The following VTA1 variants were observed in gnomAD, a reference collection of about 807,000 sequenced individuals.
VTA1 encodes vacuolar protein sorting-associated protein VTA1 homolog.
A neutral mutation model predicts 36.9 loss-of-function variants in VTA1; 24 were observed. That is an observed-to-expected ratio of 0.65 (90% CI 0.47 to 0.91). The LOEUF is 0.91. Among genes scored for constraint, VTA1 ranks in the 40% least tolerant of loss-of-function variants. The pLI, the probability that VTA1 is intolerant of heterozygous loss-of-function variation, is 0.00. For missense variants in VTA1, 393 were observed against 377.2 expected (o/e 1.04, Z -0.35); for synonymous variants, 142 against 130.2 (o/e 1.09, Z -0.62).
rs558934840 is a variant in VTA1, at chr6:142,198,337, G to A, written c.521-102G>A. 5.3e-3 allele frequency: 5,717 copies of A among 1,076,540 alleles called. 22 individuals are homozygous for A. Among genetic ancestry groups the A allele is most frequent in the Non-Finnish European group, 6.4e-3 (5,039 of 792,346 alleles). The allele number at this position is 1,076,540 out of a possible 1,614,324, so 66.7% of individuals were successfully genotyped here. Reference sequence around the variant, plus strand: ...CTTCTCCACTGCATTAAATAGAATTGCATTTAAAGATTCCATTTGTCATGT... The same window carrying A: ...CTTCTCCACTGCATTAAATAGAATTACATTTAAAGATTCCATTTGTCATGT... On this transcript the variant is annotated intron_variant, in intron 5 of 7. Transcript: ENST00000367630.
chr6:142,189,956 A>G (rs1056516493), intron 5 of VTA1, among the ~76,000 whole-genome samples: 12 of 152,008 alleles, frequency 7.9e-5, no homozygotes, highest in Admixed American at 2.6e-4. Context: ...ACGGGGTTTC[A>G]CTGTGTTAGA....
chr6:142,180,825 T>C (rs923725725), intron 4 of VTA1, among the ~76,000 whole-genome samples: 1 of 151,740 alleles, frequency 6.6e-6, no homozygotes, highest in South Asian at 2.1e-4. Context: ...CAATAGACAT[T>C]TTACAGCTTG....
intron 4 of VTA1, among the ~76,000 whole-genome samples, chr6:142,176,626 A>C (rs1203560848): frequency 6.6e-6 from 1 of 151,442 alleles, no homozygotes; most frequent in East Asian, 1.9e-4. Flanking sequence ...TAAATTTTCA[A>C]TTCTTTGCAG....
chr6:142,188,708 A>G (rs1179859271), intron 4 of VTA1, among the ~76,000 whole-genome samples: 2 of 151,294 alleles, frequency 1.3e-5, no homozygotes, highest in Non-Finnish European at 2.9e-5. Flanking sequence ...ATATAAACTA[A>G]AAATCACTAG....
At chr6:142,192,482 C>T (rs1374766208) in intron 5 of VTA1, among the ~76,000 whole-genome samples, 1 of 151,968 alleles carries the variant, frequency 6.6e-6, no homozygotes, top group Non-Finnish European at 1.5e-5. Flanking sequence ...ATCATTGAAA[C>T]CATTCATTTT....
At chr6:142,175,954 A>T (rs574059772) in intron 4 of VTA1, among the ~76,000 whole-genome samples, 1 of 152,074 alleles carries the variant, frequency 6.6e-6, no homozygotes, top group East Asian at 1.9e-4. Context: ...ACTGTGCCTT[A>T]TTATCATTCC....
intron 5 of VTA1, 133 bp downstream of exon 5, chr6:142,189,667 A>G: frequency 1.6e-6 from 1 of 640,366 alleles, no homozygotes; most frequent in Non-Finnish European, 2.6e-6. Context: ...TTAAGTATAA[A>G]ATCATAAACT....
intron 4 of VTA1, among the ~76,000 whole-genome samples, chr6:142,171,626 A>G (rs1348265131): frequency 6.6e-6 from 1 of 152,234 alleles, no homozygotes; most frequent in African/African-American, 2.4e-5. Flanking sequence ...CTTTAAGTTC[A>G]GTATCATTTT....
At chr6:142,191,435 G>A (rs1024876537) in intron 5 of VTA1, among the ~76,000 whole-genome samples, 5 of 152,104 alleles carry the variant, frequency 3.3e-5, no homozygotes, top group Non-Finnish European at 7.4e-5. Context: ...TGTGCATTTT[G>A]ATTATCACGT....
chr6:142,181,094 A>AAAATATATATATAT (rs1471429927), intron 4 of VTA1, among the ~76,000 whole-genome samples: 16 of 36,436 alleles, frequency 4.4e-4, no homozygotes, highest in Non-Finnish European at 7.0e-4. Flanking sequence ...AAAAAAAAAA[A>AAAATATATATATAT]ATATATATAT....
At chr6:142,211,711 TTA>T (rs541591437) in intron 7 of VTA1, among the ~76,000 whole-genome samples, 87 of 72,908 alleles carry the variant, frequency 1.2e-3, no homozygotes, top group Non-Finnish European at 1.7e-3. Flanking sequence ...ACTCCATCTC[TTA>T]AAAAAAAAAA....
Position 142,220,840 on chromosome 6 carries a change from C to G in VTA1, c.*2197C>G, listed in dbSNP as rs900587197. The G allele has an allele frequency of 6.6e-6, 1 of 151,812 alleles. No homozygotes were observed. Among genetic ancestry groups the G allele is most frequent in the African/African-American group, 2.4e-5 (1 of 41,288 alleles). 9.4% of individuals were successfully genotyped at this position (151,812 alleles called of 1,614,324 possible). On this transcript the variant is annotated 3_prime_UTR_variant, in exon 8 of 8. Coordinates refer to ENST00000367630, the MANE Select transcript of VTA1 (RefSeq NM_016485.5). ...ATATTTACTGAATGGCTACTATATGCCTGGTATTGTTCTTTGAAAGCAGAA... is the reference window on the plus strand; with the variant it reads ...ATATTTACTGAATGGCTACTATATGGCTGGTATTGTTCTTTGAAAGCAGAA...
intron 7 of VTA1, among the ~76,000 whole-genome samples, chr6:142,217,914 GA>G (rs1302816171): frequency 1.3e-5 from 2 of 151,636 alleles, no homozygotes; most frequent in Non-Finnish European, 2.9e-5. Context: ...TGTATAACTA[GA>G]AAACTTGCTA....
In VTA1 at chr6:142,204,740, C is replaced by T. The variant is rs556111348; in HGVS notation, c.778+675C>T. The stretch of plus-strand genomic sequence containing the variant: ...CTTTTAATTTAAAGGAAGTGAAGAC[C>T]TTTTTTGTTTTGTTTTGTTTTTGAG... On this transcript the variant is annotated intron_variant, in intron 7 of 7. Coordinates refer to ENST00000367630, the MANE Select transcript of VTA1 (RefSeq NM_016485.5). Among the ~76,000 whole-genome samples the T allele has an allele frequency of 2.0e-5, 3 of 150,878 alleles. No homozygotes were observed. In the South Asian group the frequency reaches 6.4e-4, roughly 32 times the overall value.
At chr6:142,207,555 G>T (rs750494261) in intron 7 of VTA1, among the ~76,000 whole-genome samples, 2 of 151,948 alleles carry the variant, frequency 1.3e-5, no homozygotes, top group Non-Finnish European at 2.9e-5. Flanking sequence ...GACATTCAGC[G>T]CTCCAAACAT....
intron 5 of VTA1, 49 bp from the exon 6 acceptor site, chr6:142,198,390 T>C (rs765578162): frequency 6.4e-7 from 1 of 1,558,656 alleles, no homozygotes; most frequent in South Asian, 1.2e-5. Flanking sequence ...TACCTAGCAC[T>C]TGTATTTCAA....
chr6:142,149,777 ATTTG>A (rs778228094), intron 1 of VTA1, among the ~76,000 whole-genome samples: 15 of 152,020 alleles, frequency 9.9e-5, no homozygotes, highest in Admixed American at 7.9e-4. Context: ...CTTTTCGTGT[ATTTG>A]TTTGGGACTT....
chr6:142,210,930 T>C (rs1457759238), intron 7 of VTA1, among the ~76,000 whole-genome samples: 1 of 152,202 alleles, frequency 6.6e-6, no homozygotes, highest in Non-Finnish European at 1.5e-5. Flanking sequence ...TGGCTATCAG[T>C]GGATGAATGA....
chr6:142,202,193 T>C (rs1262044806), intron 6 of VTA1, among the ~76,000 whole-genome samples: 1 of 151,950 alleles, frequency 6.6e-6, no homozygotes, highest in Admixed American at 6.6e-5. Flanking sequence ...TTTCAGTGTT[T>C]GGCAAGTTTT....
Sources: gnomAD v4.1 joint callset for allele counts (sites outside exome capture counted in the v4.1 genomes callset) on GRCh38, gnomAD v4.1.1 for gene constraint, MANE v1.5 for transcripts, NCBI Gene and HGNC (gene_info 2026-07-23, HGNC 2026-07-21) for gene names.